GAREM1: variants seen among roughly 807,000 people sequenced by gnomAD.
The protein encoded by GAREM1 is GRB2-associated and regulator of MAPK protein 1.
Under a neutral mutation model 71.3 loss-of-function variants are expected in GAREM1, and 26 were observed. That is an observed-to-expected ratio of 0.36 (90% CI 0.27 to 0.51). GAREM1 has a LOEUF of 0.51. Among genes scored for constraint, GAREM1 ranks in the 20% least tolerant of loss-of-function variants. GAREM1 has a pLI of 0.95. For missense variants in GAREM1, 1,026 were observed against 1,103.1 expected, an observed-to-expected ratio of 0.93 and a Z score of 0.99; for synonymous variants, 440 against 433.2, an observed-to-expected ratio of 1.02 and a Z score of -0.20.
intron 2 of GAREM1, among the ~76,000 whole-genome samples, chr18:32,326,162 A>C (rs1411318551): frequency 6.6e-6 from 1 of 152,200 alleles, no homozygotes; most frequent in African/African-American, 2.4e-5. Flanking sequence ...AGAAGAGAGG[A>C]AAGAGCTATG....
chr18:32,310,094 T>G, intron 3 of GAREM1, 99 bp downstream of exon 3: 2 of 1,381,492 alleles, frequency 1.4e-6, no homozygotes, highest in Non-Finnish European at 2.0e-6. Context: ...GATAAAACCC[T>G]CCTAGGAGAC....
At chr18:32,393,133 G>A in intron 1 of GAREM1, 98 bp from the exon 2 acceptor site, 1 of 1,136,338 alleles carries the variant, frequency 8.8e-7, no homozygotes, top group Admixed American at 2.3e-5. Context: ...GACTAATGCA[G>A]AAGTTGACAG....
At chr18:32,421,737 GGA>G (rs1341715201) in intron 1 of GAREM1, among the ~76,000 whole-genome samples, 1 of 151,978 alleles carries the variant, frequency 6.6e-6, no homozygotes, top group African/African-American at 2.4e-5. Flanking sequence ...GCTAGAAATT[GGA>G]GAGTCTCCTC....
intron 1 of GAREM1, among the ~76,000 whole-genome samples, chr18:32,433,587 G>T (rs547261072): frequency 6.6e-6 from 1 of 151,940 alleles, no homozygotes; most frequent in African/African-American, 2.4e-5. Context: ...TAAGTTCCTG[G>T]AACTAATAAG....
intron 2 of GAREM1, among the ~76,000 whole-genome samples, chr18:32,391,446 T>C (rs1225100098): frequency 6.6e-6 from 1 of 152,136 alleles, no homozygotes; most frequent in Admixed American, 6.6e-5. Flanking sequence ...TTGACAGAGC[T>C]TTTCACAGCG....
intron 3 of GAREM1, among the ~76,000 whole-genome samples, chr18:32,290,006 AGTTAACTGAGTGTT>A (rs549619715): frequency 1.6e-3 from 248 of 150,658 alleles, no homozygotes; most frequent in African/African-American, 5.9e-3. Flanking sequence ...TGTGTGTGTA[AGTTAACTGAGTGTT>A]GAGTGCACTT....
At chr18:32,349,716 T>C (rs1408797523) in intron 2 of GAREM1, among the ~76,000 whole-genome samples, 1 of 152,256 alleles carries the variant, frequency 6.6e-6, no homozygotes, top group Non-Finnish European at 1.5e-5. Flanking sequence ...GATAAACTTT[T>C]GGTCATTCTG....
chr18:32,364,798 A>G (rs551496797), intron 2 of GAREM1, among the ~76,000 whole-genome samples: 1 of 152,302 alleles, frequency 6.6e-6, no homozygotes, highest in African/African-American at 2.4e-5. Context: ...AAAGTACACC[A>G]GAGATGAACA....
In GAREM1 at chr18:32,470,576, G is replaced by A; in HGVS notation, c.-148C>T. On this transcript the variant is annotated 5_prime_UTR_variant, in exon 1 of 6. Coordinates refer to ENST00000269209, the MANE Select transcript of GAREM1 (RefSeq NM_001242409.2). This position sits in a 1 kb window ranked among gnomAD's most constrained non-coding sequence, Gnocchi z 4.4. ...CCGCGGGCAGCCGGGGGGGCGCGGC[G>A]ACTGGGGCGGCCCGGAGGGAGGGGG... 1 of 398,910 alleles carries A rather than the reference G, an allele frequency of 2.5e-6. No individual in the cohort carries two copies. The highest frequency in any genetic ancestry group is 3.4e-6 in the Non-Finnish European group (1 of 296,528). 24.7% of individuals were successfully genotyped at this position (398,910 alleles called of 1,614,324 possible).
At chr18:32,330,141 T>C (rs2047517414) in intron 2 of GAREM1, among the ~76,000 whole-genome samples, 1 of 152,054 alleles carries the variant, frequency 6.6e-6, no homozygotes, top group Non-Finnish European at 1.5e-5. Context: ...ATAAAGAAAA[T>C]GTGGTACATA....
intron 2 of GAREM1, among the ~76,000 whole-genome samples, chr18:32,317,711 T>TA (rs5823840): frequency 3.3e-5 from 5 of 150,842 alleles, no homozygotes; most frequent in Admixed American, 6.6e-5. Flanking sequence ...TTTTTTTTTT[T>TA]AAAGAATGTA....
chr18:32,442,453 T>G (rs2048747824), intron 1 of GAREM1, among the ~76,000 whole-genome samples: 1 of 152,154 alleles, frequency 6.6e-6, no homozygotes, highest in South Asian at 2.1e-4. Context: ...CTTTTAAATT[T>G]AAAACATGCT....
intron 2 of GAREM1, among the ~76,000 whole-genome samples, chr18:32,358,605 C>G (rs1180388632): frequency 6.6e-6 from 1 of 152,198 alleles, no homozygotes; most frequent in Non-Finnish European, 1.5e-5. Context: ...CACCAAATGT[C>G]TTCCTTAAAA....
rs888114366 is a variant in GAREM1 at position 32,263,660 on chromosome 18, A to G, written c.*4211T>C. On this transcript the variant is annotated 3_prime_UTR_variant, in exon 6 of 6. Transcript: ENST00000269209. ...AGATAACGTTTTGGAAAGTAATGCC[A>G]TTGTTAACTGGTAGTTAACAACCCA... The G allele has an allele frequency of 5.9e-5, 9 of 152,194 alleles. No homozygotes were observed. Among genetic ancestry groups the G allele is most frequent in the African/African-American group, 1.9e-4 (8 of 41,450 alleles). 9.4% of individuals were successfully genotyped at this position (152,194 alleles called of 1,614,324 possible).
At chr18:32,417,636 T>C (rs1844415273) in intron 1 of GAREM1, among the ~76,000 whole-genome samples, 1 of 152,126 alleles carries the variant, frequency 6.6e-6, no homozygotes, top group African/African-American at 2.4e-5. Flanking sequence ...ACAGACATTG[T>C]ATGTTCTCAC....
chr18:32,452,938 G>A (rs917028257), intron 1 of GAREM1, among the ~76,000 whole-genome samples: 2 of 151,798 alleles, frequency 1.3e-5, no homozygotes, highest in African/African-American at 2.4e-5. Context: ...GTGTTTACAC[G>A]TGGGTGTGTG....
chr18:32,312,392 T>G (rs671090), intron 2 of GAREM1, among the ~76,000 whole-genome samples: 40,768 of 151,692 alleles, frequency 0.27, 6,667 homozygotes, highest in African/African-American at 0.46. Context: ...TCATGAATGG[T>G]GAGTGGGTGT....
intron 3 of GAREM1, among the ~76,000 whole-genome samples, chr18:32,300,906 C>CAAAAAA (rs764891353): frequency 2.0e-4 from 17 of 83,308 alleles, no homozygotes; most frequent in South Asian, 9.7e-4. Context: ...AACTCCGTCT[C>CAAAAAA]AAAAAAAAAA....
chr18:32,467,504 G>A (rs987311774), intron 1 of GAREM1, among the ~76,000 whole-genome samples: 1 of 152,120 alleles, frequency 6.6e-6, no homozygotes, highest in African/African-American at 2.4e-5. Context: ...TGAATCTTAG[G>A]TTCCTGAAGT....
Sources: gnomAD v4.1 joint callset for allele counts (sites outside exome capture counted in the v4.1 genomes callset) on GRCh38, gnomAD v4.1.1 for gene constraint, Gnocchi (gnomAD v3.1) non-coding constraint, MANE v1.5 for transcripts, NCBI Gene and HGNC (gene_info 2026-07-23, HGNC 2026-07-21) for gene names.